KIAA0586: variants seen among roughly 807,000 people sequenced by gnomAD.
KIAA0586 encodes protein TALPID3.
In KIAA0586, 144 loss-of-function variants were observed where a neutral mutation model predicts 169.8. That is an observed-to-expected ratio of 0.85 (90% confidence interval 0.74 to 0.97). The LOEUF is 0.97. Among genes scored for constraint, KIAA0586 ranks in the 50% least tolerant of loss-of-function variants. KIAA0586 has a pLI of 0.00. For synonymous variants in KIAA0586, 625 were observed against 612.4 expected, an observed-to-expected ratio of 1.02 and a Z score of -0.30; for missense variants, 1,854 against 1,823.0, an observed-to-expected ratio of 1.02 and a Z score of -0.31.
intron 29 of KIAA0586, among the ~76,000 whole-genome samples, chr14:58,516,669 T>A (rs1277699347): frequency 6.6e-6 from 1 of 151,984 alleles, no homozygotes; most frequent in Admixed American, 6.6e-5. Flanking sequence ...CTTGAGAAAA[T>A]GCAGAGGACC....
chr14:58,469,213 G>C (rs1393856967), intron 16 of KIAA0586, among the ~76,000 whole-genome samples: 1 of 152,204 alleles, frequency 6.6e-6, no homozygotes, highest in African/African-American at 2.4e-5. Context: ...AGCTAAAATT[G>C]ATAGTGTGTT....
At chr14:58,430,169 CT>C (rs71448954) in intron 2 of KIAA0586, among the ~76,000 whole-genome samples, 317 of 140,512 alleles carry the variant, frequency 2.3e-3, no homozygotes, top group African/African-American at 4.8e-3. Flanking sequence ...GTTGTTTTGT[CT>C]TTTTTTTTTT....
At position 58,491,419 on chromosome 14, in the gene KIAA0586, A is replaced by T. The variant is rs369401844; in HGVS notation, c.3859-725A>T. Among the ~76,000 whole-genome samples the T allele has an allele frequency of 5.3e-4, 81 of 152,354 alleles. 1 individual carries two copies. In the South Asian group the frequency reaches 0.011, roughly 21 times the overall value. On this transcript the variant is annotated intron_variant, in intron 25 of 30. Coordinates refer to ENST00000652326, the MANE Select transcript of KIAA0586 (RefSeq NM_001329943.3). ...TTTTATCTATACATAGCTAGGGGATAGGGACTTATAATCTGGAGTTAATAA... is the reference window on the plus strand; with the variant it reads ...TTTTATCTATACATAGCTAGGGGATTGGGACTTATAATCTGGAGTTAATAA...
intron 18 of KIAA0586, 97 bp from the exon 19 acceptor site, chr14:58,474,510 G>A (rs2041456716): frequency 2.7e-6 from 2 of 728,302 alleles, no homozygotes; most frequent in Non-Finnish European, 4.2e-6. Flanking sequence ...TAATTTAGAA[G>A]GGTTTCTTAA....
intron 27 of KIAA0586, among the ~76,000 whole-genome samples, chr14:58,501,881 A>C (rs2043594860): frequency 6.6e-6 from 1 of 152,210 alleles, no homozygotes. Flanking sequence ...TCTGAAAGTC[A>C]CAAATCCGGT....
At chr14:58,449,119 A>G (rs2039143241) in intron 7 of KIAA0586, among the ~76,000 whole-genome samples, 1 of 152,252 alleles carries the variant, frequency 6.6e-6, no homozygotes, top group Admixed American at 6.5e-5. Context: ...AAATCGAGCT[A>G]CTATCCCTTT....
intron 29 of KIAA0586, among the ~76,000 whole-genome samples, chr14:58,532,924 A>G (rs973210448): frequency 3.9e-5 from 6 of 152,246 alleles, no homozygotes; most frequent in Middle Eastern, 6.8e-3. Context: ...TGTTATTGCT[A>G]AAATGTATCT....
At chr14:58,509,863 C>T (rs1285909996) in intron 28 of KIAA0586, among the ~76,000 whole-genome samples, 1 of 151,912 alleles carries the variant, frequency 6.6e-6, no homozygotes, top group Non-Finnish European at 1.5e-5. Context: ...AACTTCTGTT[C>T]TTCAAAACAC....
intron 29 of KIAA0586, chr14:58,537,195 T>C (rs2046342108): frequency 9.6e-7 from 1 of 1,045,424 alleles, no homozygotes; most frequent in East Asian, 9.1e-5. Context: ...GTTATAAGAA[T>C]AAAAGTGGTC....
rs747120591 is a variant in KIAA0586, at chr14:58,458,477, A to T, written c.1588A>T (p.Met530Leu). The change falls in exon 12 of 31, where the codon ATG becomes TTG. Residue 530 changes from methionine to leucine, a missense_variant. Transcript: ENST00000652326. ...ATTCCTTTTTCTCTTTTATAGAGAGATGTCAGAGAAAATTAGGATCAGAAA... is the reference window on the plus strand; with the variant it reads ...ATTCCTTTTTCTCTTTTATAGAGAGTTGTCAGAGAAAATTAGGATCAGAAA... Reference protein sequence around the residue: ...LINALSTNREMSEKIRIRKTV... With the variant: ...LINALSTNRELSEKIRIRKTV... The T allele has an allele frequency of 1.1e-5, 17 of 1,518,396 alleles. No individual in the cohort carries two copies. The highest frequency in any genetic ancestry group is 3.4e-4 in the Middle Eastern group (2 of 5,824). 94.1% of individuals were successfully genotyped at this position (1,518,396 alleles called of 1,614,324 possible).
chr14:58,451,482 C>T (rs1015524799), intron 8 of KIAA0586, among the ~76,000 whole-genome samples: 3 of 152,166 alleles, frequency 2.0e-5, no homozygotes, highest in Admixed American at 6.5e-5. Flanking sequence ...CCGCCTCAGC[C>T]TCCCAAAGTG....
intron 27 of KIAA0586, among the ~76,000 whole-genome samples, chr14:58,499,703 C>CAT (rs2043420359): frequency 6.6e-6 from 1 of 151,960 alleles, no homozygotes; most frequent in African/African-American, 2.4e-5. Flanking sequence ...GGATTACAGG[C>CAT]GCCTGCCACC....
Position 58,456,364 on chromosome 14 carries a change from T to A in KIAA0586, c.1254-338T>A, listed in dbSNP as rs184040550. 5.6e-4 allele frequency among the ~76,000 whole-genome samples: 85 copies of A among 152,316 alleles called. 1 individual carries two copies. Among genetic ancestry groups the A allele is most frequent in the African/African-American group, 2.0e-3 (84 of 41,574 alleles). On this transcript the variant is annotated intron_variant, in intron 9 of 30. Transcript: ENST00000652326. ...TGATGATTTTTGCTAGGGTTCTCAT[T>A]GTGCTTATGGAGAAGCAGATTTTCA... is the stretch of plus-strand genomic sequence containing the variant.
In KIAA0586 at chr14:58,483,555, C is replaced by T. The variant is rs372043948; in HGVS notation, c.3144+843C>T. 2.6e-5 allele frequency among the ~76,000 whole-genome samples: 4 copies of T among 152,204 alleles called. 1 individual carries two copies. On this transcript the variant is annotated intron_variant, in intron 21 of 30. Coordinates refer to ENST00000652326, the MANE Select transcript of KIAA0586 (RefSeq NM_001329943.3). ...TAGATTTCCTTAATTGTTTCAAAAG[C>T]ATCCTTTACAGTTTTTTTTTAAATC... is the stretch of plus-strand genomic sequence containing the variant.
intron 29 of KIAA0586, among the ~76,000 whole-genome samples, chr14:58,538,954 A>T (rs1408551992): frequency 6.6e-6 from 1 of 151,848 alleles, no homozygotes; most frequent in African/African-American, 2.4e-5. Flanking sequence ...TACTTTTTGT[A>T]TTTTTTGTAG....
In KIAA0586 at chr14:58,461,065, A is replaced by G. The variant is rs769913250; in HGVS notation, c.1964A>G (p.His655Arg). The part of the protein sequence containing the change: ...QVYGKPVYQG[H>R]RSTLKKGPYL... Reference sequence around the variant, plus strand: ...TATGGAAAGCCAGTTTATCAGGGCCATCGAAGCACTCTTAAAAAAGGACCA... The same window carrying G: ...TATGGAAAGCCAGTTTATCAGGGCCGTCGAAGCACTCTTAAAAAAGGACCA... The change falls in exon 14 of 31, where the codon CAT becomes CGT. Residue 655 changes from histidine (H) to arginine (R), a missense_variant. Physicochemically the swap from His to Arg is conservative, Grantham distance 29 (BLOSUM62 0). Transcript: ENST00000652326. 6.2e-7 allele frequency: 1 copy of G among 1,612,524 alleles called. No individual in the cohort carries two copies. The highest frequency in any genetic ancestry group is 8.5e-7 in the Non-Finnish European group (1 of 1,179,146).
At position 58,457,801 on chromosome 14, in the gene KIAA0586, C is replaced by T. The variant is rs1323358756; in HGVS notation, c.1405C>T (p.Gln469Ter). ...TATGTTGAAGCTTCCAGATCTTCCA[C>T]AGAATTCTGTTAAGCTTCAAACAAC... ...LSMLKLPDLP[Q>*]NSVKLQTTNT... The change falls in exon 11 of 31, where the codon CAG becomes TAG. Residue 469 changes from glutamine to a stop codon, truncating the protein, a stop_gained. Transcript: ENST00000652326. LOFTEE classifies it high-confidence loss of function. 1 of 1,606,760 alleles carries T rather than the reference C, an allele frequency of 6.2e-7. No homozygotes were observed. Among genetic ancestry groups the T allele is most frequent in the Non-Finnish European group, 8.5e-7 (1 of 1,176,402 alleles).
downstream of KIAA0586, among the ~76,000 whole-genome samples, chr14:58,555,099 C>CTTTTTTTTTTTTTTT (rs35845234): frequency 5.5e-4 from 56 of 102,540 alleles, no homozygotes; most frequent in Non-Finnish European, 7.0e-4. Flanking sequence ...TTCTTTCTTT[C>CTTTTTTTTTTTTTTT]TTTTTTTTTT....
chr14:58,489,223 A>ATTTTTTTTT (rs5808974), intron 24 of KIAA0586, among the ~76,000 whole-genome samples: 1 of 135,648 alleles, frequency 7.4e-6, no homozygotes, highest in Non-Finnish European at 1.5e-5. Flanking sequence ...TGAAACCTGA[A>ATTTTTTTTT]TTTTTTTTTT....
Sources: allele counts gnomAD v4.1 joint callset (sites outside exome capture counted in the v4.1 genomes callset), GRCh38; gene constraint gnomAD v4.1.1; transcripts MANE v1.5; gene names NCBI Gene and HGNC (gene_info 2026-07-23, HGNC 2026-07-21).